TNS3: variants seen among roughly 807,000 people sequenced by gnomAD.
The protein encoded by TNS3 is tensin 3, also known as tensin-3.
TNS3 carries 45 observed loss-of-function variants against 140.9 expected under a neutral mutation model. The observed-to-expected ratio is 0.32, with a 90% CI of 0.25 to 0.41. The LOEUF (loss-of-function observed/expected upper bound fraction) is 0.41, where lower values mean the gene tolerates loss of function less well. Among genes scored for constraint, TNS3 ranks in the 10% least tolerant of loss-of-function variants. The pLI is 1.00. For missense variants in TNS3, 1,716 were observed against 1,906.7 expected, an observed-to-expected ratio of 0.90 and a Z score of 1.86; for synonymous variants, 815 against 788.4, an observed-to-expected ratio of 1.03 and a Z score of -0.56.
intron 4 of TNS3, among the ~76,000 whole-genome samples, chr7:47,478,625 T>C (rs1797286396): frequency 6.6e-6 from 1 of 152,124 alleles, no homozygotes; most frequent in African/African-American, 2.4e-5. Flanking sequence ...ACATAATATA[T>C]GCATACAAAC....
At chr7:47,536,469 G>A (rs1039315777) in intron 1 of TNS3, among the ~76,000 whole-genome samples, 7 of 152,252 alleles carry the variant, frequency 4.6e-5, no homozygotes, top group Admixed American at 1.3e-4. Context: ...CAGGGAACCT[G>A]TAAGGATTCC....
At chr7:47,361,176 C>T (rs1392428429) in intron 17 of TNS3, among the ~76,000 whole-genome samples, 1 of 120,126 alleles carries the variant, frequency 8.3e-6, no homozygotes, top group Non-Finnish European at 1.8e-5. Flanking sequence ...CTTCTCAGTG[C>T]CTTCTCTTCT....
At chr7:47,505,046 C>T (rs1320065228) in intron 3 of TNS3, among the ~76,000 whole-genome samples, 1 of 152,162 alleles carries the variant, frequency 6.6e-6, no homozygotes, top group Non-Finnish European at 1.5e-5. Flanking sequence ...ATGGAAGGAA[C>T]AACAGCAGGC....
chr7:47,423,392 G>A (rs78981484), intron 10 of TNS3, among the ~76,000 whole-genome samples: 11,741 of 152,290 alleles, frequency 0.077, 528 homozygotes, highest in South Asian at 0.17. Context: ...AGCCAGCCCT[G>A]CTCAGGTTCT....
At position 47,411,776 on chromosome 7, in the gene TNS3, C is replaced by G. The variant is rs1372461642; in HGVS notation, c.674G>C (p.Arg225Thr). The G allele has an allele frequency of 6.2e-7, 1 of 1,613,552 alleles. No homozygotes were observed. The change falls in exon 13 of 31, where the codon AGG (arginine) becomes ACG (threonine). Residue 225 changes from arginine to threonine, a missense_variant. Around this residue, in one of 3 missense-constraint regions of TNS3, gnomAD observed 337 missense variants for 428.9 expected, o/e 0.79. Coordinates refer to ENST00000311160, the MANE Select transcript of TNS3 (RefSeq NM_022748.12). ...GGCCGGCTCGATGACGATGCAGATC[C>G]TGCTGGGGTTTTCTGGGCCAACGTT... Reference protein sequence around the residue: ...IYNVGPENPSRICIVIEPAQL... With the variant: ...IYNVGPENPSTICIVIEPAQL...
intron 15 of TNS3, among the ~76,000 whole-genome samples, chr7:47,397,930 A>G (rs932262727): frequency 2.6e-5 from 4 of 152,248 alleles, no homozygotes; most frequent in Non-Finnish European, 4.4e-5. Context: ...ATAGACCATT[A>G]GCTAGATTAA....
intron 15 of TNS3, 87 bp from the exon 16 acceptor site, chr7:47,396,991 C>T: frequency 1.0e-6 from 1 of 968,468 alleles, no homozygotes; most frequent in South Asian, 1.3e-5. Context: ...AGGTGAGCAG[C>T]CTGACTTGAG....
intron 4 of TNS3, among the ~76,000 whole-genome samples, chr7:47,465,488 C>T (rs1796670228): frequency 6.6e-6 from 1 of 152,146 alleles, no homozygotes; most frequent in African/African-American, 2.4e-5. Flanking sequence ...ATCAGAAGCC[C>T]CAGGTCCCAC....
Position 47,285,639 on chromosome 7 carries a change from C to T in TNS3, c.3929-1774G>A, listed in dbSNP as rs114378152. ...ATGGCTGTATTAGCATCATGAGAGC[C>T]GACTAGTATACTTGGCGATATTTAT... On this transcript the variant is annotated intron_variant, in intron 27 of 30. Coordinates refer to ENST00000311160, the MANE Select transcript of TNS3 (RefSeq NM_022748.12). Among the ~76,000 whole-genome samples, 222 of 152,212 alleles carry T rather than the reference C, an allele frequency of 1.5e-3. 2 individuals are homozygous for T. The highest frequency in any genetic ancestry group is 5.2e-3 in the African/African-American group (217 of 41,512).
intron 4 of TNS3, among the ~76,000 whole-genome samples, chr7:47,463,517 G>A (rs543828835): frequency 1.1e-4 from 17 of 152,180 alleles, no homozygotes; most frequent in Non-Finnish European, 1.3e-4. Context: ...AGGAAGGACT[G>A]TCTAACACAT....
chr7:47,343,047 T>C (rs1789109059), intron 20 of TNS3, among the ~76,000 whole-genome samples: 1 of 152,242 alleles, frequency 6.6e-6, no homozygotes, highest in African/African-American at 2.4e-5. Flanking sequence ...GTCACCTTTT[T>C]ATATTTAAAG....
intron 4 of TNS3, among the ~76,000 whole-genome samples, chr7:47,443,231 A>C (rs4724578): frequency 0.36 from 55,486 of 152,090 alleles, 11,583 homozygotes; most frequent in Middle Eastern, 0.5. Flanking sequence ...AGACAGGGCC[A>C]GTCTCATGGA....
At chr7:47,504,604 G>A (rs1267578807) in intron 3 of TNS3, among the ~76,000 whole-genome samples, 1 of 152,198 alleles carries the variant, frequency 6.6e-6, no homozygotes, top group East Asian at 1.9e-4. Flanking sequence ...GGAGCCCACT[G>A]GGCAATATAT....
At chr7:47,572,237 G>A (rs1800574151) in intron 1 of TNS3, among the ~76,000 whole-genome samples, 1 of 152,214 alleles carries the variant, frequency 6.6e-6, no homozygotes, top group South Asian at 2.1e-4. Flanking sequence ...AGGGCGTTCT[G>A]AGAAGTCACT....
Position 47,425,143 on chromosome 7 carries a change from A to G in TNS3, c.390-959T>C, listed in dbSNP as rs544654972. Among the ~76,000 whole-genome samples, 3 of 152,256 alleles carry G rather than the reference A, an allele frequency of 2.0e-5. No homozygotes were observed. The East Asian group carries it at 5.8e-4, about 29-fold the overall frequency. On this transcript the variant is annotated intron_variant, in intron 9 of 30. Coordinates refer to ENST00000311160, the MANE Select transcript of TNS3 (RefSeq NM_022748.12). Reference sequence around the variant, plus strand: ...AGACCAGCCTGGTCAACAGGGTGAAATCCCAGCTCTACTGAAAATAAAAAT... The same window carrying G: ...AGACCAGCCTGGTCAACAGGGTGAAGTCCCAGCTCTACTGAAAATAAAAAT...
chr7:47,507,625 A>G (rs956028703), intron 2 of TNS3, among the ~76,000 whole-genome samples: 4 of 152,174 alleles, frequency 2.6e-5, no homozygotes, highest in Admixed American at 6.5e-5. Context: ...GCAGAGCTGG[A>G]ACCAATGCGG....
chr7:47,538,087 G>A (rs1799670815), intron 1 of TNS3, among the ~76,000 whole-genome samples: 1 of 151,784 alleles, frequency 6.6e-6, no homozygotes, highest in African/African-American at 2.4e-5. Context: ...CGAAGTTCAG[G>A]AGGTGAAGAT....
chr7:47,528,476 TGGTCC>T (rs1422500228), intron 2 of TNS3, among the ~76,000 whole-genome samples: 2 of 152,132 alleles, frequency 1.3e-5, no homozygotes, highest in Non-Finnish European at 2.9e-5. Context: ...TGTACCCCAC[TGGTCC>T]GCCAAGCAGC....
intron 20 of TNS3, among the ~76,000 whole-genome samples, chr7:47,328,862 T>G (rs1354447641): frequency 2.0e-5 from 3 of 152,212 alleles, no homozygotes; most frequent in Non-Finnish European, 2.9e-5. Context: ...TGATTCTGGA[T>G]CCCTCAGCCT....
Sources: allele counts gnomAD v4.1 joint callset (sites outside exome capture counted in the v4.1 genomes callset), GRCh38; gene constraint gnomAD v4.1.1; regional missense constraint gnomAD v4.1.1; transcripts MANE v1.5; gene names NCBI Gene and HGNC (gene_info 2026-07-23, HGNC 2026-07-21).